The following PDIA3 variants were observed in gnomAD, a reference collection of about 807,000 sequenced individuals.
The protein encoded by PDIA3 is protein disulfide isomerase family A member 3, also known as protein disulfide-isomerase A3.
PDIA3 carries 16 observed loss-of-function variants against 56.9 expected under a neutral mutation model. The ratio of observed to expected loss-of-function variants is 0.28; its 90% CI spans 0.19 to 0.43. The LOEUF (loss-of-function observed/expected upper bound fraction) is 0.43. Ranked by LOEUF, PDIA3 falls within the 20% of genes least tolerant of loss-of-function variation. PDIA3 has a pLI of 1.00. For missense variants in PDIA3, 485 were observed against 621.3 expected (o/e 0.78, Z 2.33); for synonymous variants, 192 against 216.5 (o/e 0.89, Z 0.99).
chr15:43,757,010 A>G (rs546691148), intron 3 of PDIA3, among the ~76,000 whole-genome samples: 6 of 152,342 alleles, frequency 3.9e-5, no homozygotes, highest in African/African-American at 1.4e-4. Flanking sequence ...ATATTTATTG[A>G]GTAATTACTG....
Position 43,771,742 on chromosome 15 carries a change from C to T in PDIA3, c.*524C>T, listed in dbSNP as rs940617512. 7.5e-5 allele frequency: 30 copies of T among 397,788 alleles called. No individual in the cohort carries two copies. The highest frequency in any genetic ancestry group is 4.3e-4 in the African/African-American group (21 of 48,614). 24.6% of individuals were successfully genotyped at this position (397,788 alleles called of 1,614,324 possible). The stretch of plus-strand genomic sequence containing the variant: ...CATACAGTTGCTACCATACTGGTCA[C>T]GGCAGCTGTAGACTGACTGGGTCCA... On this transcript the variant is annotated 3_prime_UTR_variant, in exon 13 of 13. Coordinates refer to ENST00000300289, the MANE Select transcript of PDIA3 (RefSeq NM_005313.5).
At chr15:43,757,324 C>T (rs1033486824) in intron 3 of PDIA3, among the ~76,000 whole-genome samples, 16 of 151,146 alleles carry the variant, frequency 1.1e-4, no homozygotes, top group African/African-American at 2.4e-4. Context: ...TTTGGGAGGC[C>T]GAGGCAGGTG....
chr15:43,769,423 C>A, intron 9 of PDIA3, 95 bp from the exon 10 acceptor site: 2 of 1,156,186 alleles, frequency 1.7e-6, no homozygotes, highest in Non-Finnish European at 2.5e-6. Context: ...TCTGTGGTAA[C>A]ACATCAAATT....
In PDIA3 at chr15:43,773,039, T is replaced by C; in HGVS notation, c.*1821T>C. The C allele has an allele frequency of 7.6e-7, 1 of 1,320,800 alleles. No individual in the cohort carries two copies. 81.8% of individuals were successfully genotyped at this position (1,320,800 alleles called of 1,614,324 possible). On this transcript the variant is annotated 3_prime_UTR_variant, in exon 13 of 13. Transcript: ENST00000300289. ...GGTCAGCATAAGAAAAGCAGATAGT[T>C]GCATTCTATTTAGTTTATAGCTGCT...
At chr15:43,751,703 C>G (rs2086745351) in intron 1 of PDIA3, 2 of 1,302,850 alleles carry the variant, frequency 1.5e-6, no homozygotes, top group Non-Finnish European at 2.0e-6. Context: ...TAGTCCCAGC[C>G]TTGCAGCTTA....
In PDIA3 at chr15:43,753,954, G is replaced by A. The variant is rs771164334; in HGVS notation, c.246+52G>A. 4.8e-6 allele frequency: 6 copies of A among 1,255,302 alleles called. No individual in the cohort carries two copies. In the South Asian group the frequency reaches 7.3e-5, roughly 15 times the overall value. 77.8% of individuals were successfully genotyped at this position (1,255,302 alleles called of 1,614,324 possible). ...AGGACGTGAAGTATTTTAAAAAGTA[G>A]TTTGTTGTCTCAGCTTTGTTACATG... On this transcript the variant is annotated intron_variant, in intron 2 of 12. Transcript: ENST00000300289.
At chr15:43,768,714 T>C (rs2086863492) in intron 9 of PDIA3, 117 bp downstream of exon 9, 2 of 676,372 alleles carry the variant, frequency 3.0e-6, no homozygotes, top group Admixed American at 5.0e-5. Flanking sequence ...TTTTTGTCCT[T>C]ACTCCCGAGT....
In PDIA3 at chr15:43,749,989, C is replaced by T. The variant is rs1158920282; in HGVS notation, c.167+3283C>T. On this transcript the variant is annotated intron_variant, in intron 1 of 12. Transcript: ENST00000300289. ...GCTTTTTTTTTTTTAACCTTATTCTCGTCACAAAATAGACCTATTTAAGCA... is the reference window on the plus strand; with the variant it reads ...GCTTTTTTTTTTTTAACCTTATTCTTGTCACAAAATAGACCTATTTAAGCA... Among the ~76,000 whole-genome samples the T allele has an allele frequency of 3.3e-5, 5 of 150,568 alleles. No individual in the cohort carries two copies. The South Asian group carries it at 6.3e-4, about 19-fold the overall frequency.
chr15:43,766,413 T>C (rs1215400780), intron 7 of PDIA3, among the ~76,000 whole-genome samples: 1 of 152,248 alleles, frequency 6.6e-6, no homozygotes. Context: ...AGCCTCTCAG[T>C]GCATTTTACC....
At chr15:43,746,814 GC>G in intron 1 of PDIA3, 108 bp downstream of exon 1, 2 of 1,232,282 alleles carry the variant, frequency 1.6e-6, no homozygotes, top group Non-Finnish European at 1.2e-6. Flanking sequence ...ATTCCTGTGG[GC>G]CCCTGCTGCG....
At chr15:43,757,627 G>A (rs2086787282) in intron 3 of PDIA3, among the ~76,000 whole-genome samples, 2 of 151,526 alleles carry the variant, frequency 1.3e-5, no homozygotes, top group South Asian at 4.2e-4. Flanking sequence ...TTGGGAGGCT[G>A]AGGTGGGCAG....
chr15:43,766,679 C>T, intron 7 of PDIA3, 49 bp from the exon 8 acceptor site: 1 of 1,504,926 alleles, frequency 6.6e-7, no homozygotes. Context: ...TTCAAAAGTG[C>T]TTGACCACCC....
chr15:43,769,707 A>G (rs924903659), intron 10 of PDIA3, 61 bp downstream of exon 10: 1 of 1,557,736 alleles, frequency 6.4e-7, no homozygotes. Context: ...TTATGTATGT[A>G]TTCAGCATTG....
intron 3 of PDIA3, among the ~76,000 whole-genome samples, chr15:43,757,571 A>AG (rs1348887092): frequency 6.8e-6 from 1 of 146,094 alleles, no homozygotes; most frequent in African/African-American, 2.6e-5. Context: ...AAAAAAAAAA[A>AG]AAGTGTGGGC....
intron 7 of PDIA3, 142 bp downstream of exon 7, chr15:43,766,154 TTAAAG>T (rs1337326405): frequency 9.8e-6 from 5 of 512,226 alleles, no homozygotes; most frequent in East Asian, 7.3e-5. Context: ...AAAAAAAAAA[TTAAAG>T]TAACTATCCT....
chr15:43,759,906 A>G (rs1302603529), intron 3 of PDIA3, among the ~76,000 whole-genome samples: 2 of 152,020 alleles, frequency 1.3e-5, no homozygotes, highest in Admixed American at 6.6e-5. Context: ...CAGCCAACAT[A>G]GTGAAACCCC....
At chr15:43,756,859 T>C (rs1340308304) in intron 3 of PDIA3, 93 bp downstream of exon 3, 1 of 696,916 alleles carries the variant, frequency 1.4e-6, no homozygotes, top group Non-Finnish European at 2.4e-6. Flanking sequence ...CACAGTATAC[T>C]TTCAGTCTTA....
chr15:43,762,523 A>T (rs2141653148), intron 4 of PDIA3, among the ~76,000 whole-genome samples: 1 of 152,190 alleles, frequency 6.6e-6, no homozygotes, highest in East Asian at 1.9e-4. Context: ...AAAAAAAAAA[A>T]AAAAAAGTGA....
rs1220526922 is a variant in PDIA3 at position 43,771,266 on chromosome 15, G to T, written c.*48G>T. 8.0e-7 allele frequency: 1 copy of T among 1,246,554 alleles called. No individual in the cohort carries two copies. Among genetic ancestry groups the T allele is most frequent in the East Asian group, 2.3e-5 (1 of 42,874 alleles). 77.2% of individuals were successfully genotyped at this position (1,246,554 alleles called of 1,614,324 possible). A position where few individuals can be genotyped will look rare whatever the true frequency, so the allele number is the denominator to read the frequency against. On this transcript the variant is annotated 3_prime_UTR_variant, in exon 13 of 13. Transcript: ENST00000300289. ...GTAAAAGGACTCTTCCATCAGAGAT[G>T]GGAAAACCATTGGGGAGGACTAGGA...
Sources: gnomAD v4.1 joint callset for allele counts (sites outside exome capture counted in the v4.1 genomes callset) on GRCh38, gnomAD v4.1.1 for gene constraint, MANE v1.5 for transcripts, NCBI Gene and HGNC (gene_info 2026-07-23, HGNC 2026-07-21) for gene names.